The following DOCK3 variants were observed in gnomAD, a reference collection of about 807,000 sequenced individuals.
DOCK3 encodes dedicator of cytokinesis 3.
A neutral mutation model predicts 265.6 loss-of-function variants in DOCK3; 60 were observed. The ratio of observed to expected loss-of-function variants is 0.23; its 90% CI spans 0.18 to 0.28. The LOEUF is 0.28. Among genes scored for constraint, DOCK3 ranks in the 10% least tolerant of loss-of-function variants. DOCK3 has a pLI of 1.00. For missense variants in DOCK3, 1,981 were observed against 2,594.3 expected (o/e 0.76, Z 5.14); for synonymous variants, 881 against 938.0 (o/e 0.94, Z 1.11).
chr3:50,679,525 A>C (rs1295156059), intron 1 of DOCK3, among the ~76,000 whole-genome samples: 1 of 151,956 alleles, frequency 6.6e-6, no homozygotes, highest in Non-Finnish European at 1.5e-5. Flanking sequence ...ACAAACAAAC[A>C]AATCCTGAGT....
At chr3:50,883,184 T>C (rs2048142188) in intron 3 of DOCK3, among the ~76,000 whole-genome samples, 2 of 151,792 alleles carry the variant, frequency 1.3e-5, no homozygotes, top group South Asian at 4.1e-4. Flanking sequence ...AGTTAACAGG[T>C]GCAGCACACC....
At chr3:50,810,312 A>T (rs1053051367) in intron 2 of DOCK3, among the ~76,000 whole-genome samples, 1 of 152,072 alleles carries the variant, frequency 6.6e-6, no homozygotes, top group African/African-American at 2.4e-5. Context: ...GCACTTTGGG[A>T]GACCGAGGCG....
intron 1 of DOCK3, among the ~76,000 whole-genome samples, chr3:50,681,080 A>G (rs1309068411): frequency 6.6e-6 from 1 of 152,058 alleles, no homozygotes. Flanking sequence ...TTCTTTTAGT[A>G]GGTTTATAGT....
At chr3:50,780,106 G>A (rs563098086) in intron 2 of DOCK3, among the ~76,000 whole-genome samples, 11 of 152,112 alleles carry the variant, frequency 7.2e-5, no homozygotes, top group Admixed American at 2.6e-4. Flanking sequence ...GGAGCTACAC[G>A]TACCGTTTTA....
At chr3:51,233,312 TTCTTTCTATCTATCTA>T (rs1282110793) in intron 19 of DOCK3, among the ~76,000 whole-genome samples, 7 of 62,946 alleles carry the variant, frequency 1.1e-4, no homozygotes, top group African/African-American at 2.3e-4. Flanking sequence ...GCAGTATTCT[TTCTTTCTATCTATCTA>T]TCTATCTATC....
intron 6 of DOCK3, among the ~76,000 whole-genome samples, chr3:51,069,574 A>G (rs1404058683): frequency 6.7e-6 from 1 of 149,072 alleles, no homozygotes; most frequent in African/African-American, 2.6e-5. Context: ...ATATGTGTGT[A>G]TATGTGTGTG....
chr3:51,297,215 C>G (rs540628379), intron 27 of DOCK3, among the ~76,000 whole-genome samples: 2 of 150,966 alleles, frequency 1.3e-5, no homozygotes, highest in South Asian at 4.2e-4. Flanking sequence ...GATTTTAGAC[C>G]TAAATGTAAA....
chr3:51,093,370 G>A (rs1351800794), intron 9 of DOCK3, among the ~76,000 whole-genome samples: 1 of 152,158 alleles, frequency 6.6e-6, no homozygotes, highest in Non-Finnish European at 1.5e-5. Context: ...GCAGTGGTTT[G>A]TAGTTCTCCA....
At chr3:51,127,127 G>A (rs1400278101) in intron 9 of DOCK3, among the ~76,000 whole-genome samples, 1 of 152,138 alleles carries the variant, frequency 6.6e-6, no homozygotes, top group Admixed American at 6.5e-5. Flanking sequence ...GATGTAGGCT[G>A]GGTGGCTAGG....
At chr3:51,214,268 C>T in intron 14 of DOCK3, 21 bp downstream of exon 14, 1 of 1,612,240 alleles carries the variant, frequency 6.2e-7, no homozygotes. Flanking sequence ...CTGCTTGGGG[C>T]TGGGAAGGAA....
intron 6 of DOCK3, among the ~76,000 whole-genome samples, chr3:51,072,754 C>T (rs896526524): frequency 2.0e-5 from 3 of 151,736 alleles, no homozygotes; most frequent in Non-Finnish European, 2.9e-5. Context: ...CCCTGAAGCC[C>T]GAGTGAAGTG....
At chr3:51,131,339 A>C (rs996182208) in intron 9 of DOCK3, among the ~76,000 whole-genome samples, 9 of 152,114 alleles carry the variant, frequency 5.9e-5, no homozygotes, top group South Asian at 4.1e-4. Context: ...AGTAGTACCC[A>C]AAATGCCTCA....
rs1460078948 is a variant in DOCK3, at chr3:51,111,035, A to G, written c.746+20651A>G. 3.3e-5 allele frequency among the ~76,000 whole-genome samples: 5 copies of G among 152,188 alleles called. No homozygotes were observed. The South Asian group carries it at 1.0e-3, about 31-fold the overall frequency. On this transcript the variant is annotated intron_variant, in intron 9 of 52. Transcript: ENST00000266037. ...ATCACTAGTATTCCTATACCCAACA[A>G]CAGCTAAGCTGAGAGCCAAATCAGG...
At chr3:51,249,567 C>A (rs1167824975) in intron 22 of DOCK3, among the ~76,000 whole-genome samples, 1 of 112,482 alleles carries the variant, frequency 8.9e-6, no homozygotes, top group Non-Finnish European at 2.0e-5. Flanking sequence ...GTCAGCCCCC[C>A]GCCCGGCCAG....
chr3:50,834,830 C>A (rs1406937575), intron 2 of DOCK3, among the ~76,000 whole-genome samples: 2 of 152,014 alleles, frequency 1.3e-5, no homozygotes, highest in African/African-American at 4.8e-5. Context: ...TGTGGTTATT[C>A]AAAAGGGGCA....
chr3:51,228,514 A>T, intron 17 of DOCK3, 147 bp from the exon 18 acceptor site: 1 of 880,524 alleles, frequency 1.1e-6, no homozygotes, highest in Non-Finnish European at 1.7e-6. Context: ...GGAGTTTCTG[A>T]ACAGAAAGTA....
At chr3:50,697,038 C>G (rs763565783) in intron 1 of DOCK3, among the ~76,000 whole-genome samples, 1 of 151,586 alleles carries the variant, frequency 6.6e-6, no homozygotes. Context: ...TAAAGCAATC[C>G]TCCCCCTTCA....
At chr3:51,192,873 C>T (rs1401823080) in intron 12 of DOCK3, among the ~76,000 whole-genome samples, 2 of 152,110 alleles carry the variant, frequency 1.3e-5, no homozygotes, top group African/African-American at 2.4e-5. Context: ...CTAGCTAACT[C>T]GGGCTAACTC....
chr3:50,845,190 A>G (rs553998497), intron 3 of DOCK3, among the ~76,000 whole-genome samples: 6 of 152,232 alleles, frequency 3.9e-5, no homozygotes, highest in South Asian at 2.1e-4. Flanking sequence ...GTGGACAACA[A>G]AGGGAGACTC....
Sources: allele counts gnomAD v4.1 joint callset (sites outside exome capture counted in the v4.1 genomes callset), GRCh38; gene constraint gnomAD v4.1.1; transcripts MANE v1.5; gene names NCBI Gene and HGNC (gene_info 2026-07-23, HGNC 2026-07-21).